Variants in PCDH10 observed in about 807,000 individuals in gnomAD.
The protein encoded by PCDH10 is protocadherin-10.
A neutral mutation model predicts 74.4 loss-of-function variants in PCDH10; 15 were observed. The observed-to-expected ratio is 0.20, with a 90% CI of 0.13 to 0.31. The LOEUF (loss-of-function observed/expected upper bound fraction) is 0.31, where lower values mean the gene tolerates loss of function less well. PCDH10 is among the 10% of genes least tolerant of loss of function. PCDH10 has a pLI of 1.00. For missense variants in PCDH10, 1,260 were observed against 1,390.2 expected, an observed-to-expected ratio of 0.91 and a Z score of 1.49; for synonymous variants, 619 against 589.8, an observed-to-expected ratio of 1.05 and a Z score of -0.72.
At position 133,191,234 on chromosome 4, in the gene PCDH10, G is replaced by A. The variant is rs1012087718; in HGVS notation, c.*1074G>A. ...ATGTAATTGAAGATTACTATTTTAA[G>A]AAGTCATCAGTCATATCACTCACAC... On this transcript the variant is annotated 3_prime_UTR_variant, in exon 5 of 5. Transcript: ENST00000264360. The A allele has an allele frequency of 6.6e-6, 1 of 152,174 alleles. No homozygotes were observed. The highest frequency in any genetic ancestry group is 2.4e-5 in the African/African-American group (1 of 41,404). 9.4% of individuals were successfully genotyped at this position (152,174 alleles called of 1,614,324 possible). A position where few individuals can be genotyped will look rare whatever the true frequency, so the allele number is the denominator to read the frequency against.
intron 3 of PCDH10, among the ~76,000 whole-genome samples, chr4:133,161,164 C>A (rs921579547): frequency 2.0e-5 from 3 of 152,100 alleles, no homozygotes; most frequent in African/African-American, 7.2e-5. Context: ...CTGACGTTTC[C>A]GTTCCTCAAC....
intron 4 of PCDH10, among the ~76,000 whole-genome samples, chr4:133,182,383 T>C (rs1560713528): frequency 6.6e-6 from 1 of 152,100 alleles, no homozygotes; most frequent in Non-Finnish European, 1.5e-5. Flanking sequence ...TGTGTATTTT[T>C]TTAAGTAGGG....
At position 133,163,279 on chromosome 4, in the gene PCDH10, T is replaced by C. The variant is rs745685562; in HGVS notation, c.3100T>C (p.Leu1034=). The C allele has an allele frequency of 6.2e-6, 10 of 1,608,388 alleles. No individual in the cohort carries two copies. The highest frequency in any genetic ancestry group is 1.1e-5 in the South Asian group (1 of 90,518). The part of the protein sequence containing the change: ...NTRAPYKPPY[L]TRKRIC ...GCGAGCGCCTTACAAACCACCATATTTGAGTAAGTATTACACAAAGGGCTC... is the reference window on the plus strand; with the variant it reads ...GCGAGCGCCTTACAAACCACCATATCTGAGTAAGTATTACACAAAGGGCTC... The change falls in exon 4 of 5, where the codon TTG becomes CTG. Residue 1034 remains leucine (L), a synonymous_variant. Coordinates refer to ENST00000264360, the MANE Select transcript of PCDH10 (RefSeq NM_032961.3).
intron 4 of PCDH10, among the ~76,000 whole-genome samples, chr4:133,175,384 G>A (rs191161248): frequency 2.3e-4 from 33 of 144,844 alleles, no homozygotes; most frequent in Non-Finnish European, 4.2e-4. Context: ...AAGAAAACTC[G>A]TTGTTGGGCA....
At chr4:133,169,742 G>A (rs1727166042) in intron 4 of PCDH10, among the ~76,000 whole-genome samples, 1 of 151,832 alleles carries the variant, frequency 6.6e-6, no homozygotes, top group Non-Finnish European at 1.5e-5. Flanking sequence ...TAAAGATATT[G>A]TAAATAAGTC....
Position 133,169,838 on chromosome 4 carries a change from G to A in PCDH10, c.3103+6556G>A, listed in dbSNP as rs557292649. On this transcript the variant is annotated intron_variant, in intron 4 of 4. Transcript: ENST00000264360. Reference sequence around the variant, plus strand: ...CCAGACATTTTTTGGGTGAGTCTTCGTCATCTTCAATCCTTTTAATAGAAA... The same window carrying A: ...CCAGACATTTTTTGGGTGAGTCTTCATCATCTTCAATCCTTTTAATAGAAA... 3.6e-4 allele frequency among the ~76,000 whole-genome samples: 55 copies of A among 151,942 alleles called. 1 individual carries two copies. In the South Asian group the frequency reaches 4.4e-3, roughly 12 times the overall value.
At chr4:133,184,773 AATATATATATAAATATATATATTTATAT>A (rs1226508245) in intron 4 of PCDH10, among the ~76,000 whole-genome samples, 2 of 136,866 alleles carry the variant, frequency 1.5e-5, no homozygotes, top group African/African-American at 2.7e-5. Context: ...TAAATATATA[AATATATATATAAATATATATATTTATAT>A]ATATATATTT....
chr4:133,177,824 G>C (rs1041924105), intron 4 of PCDH10, among the ~76,000 whole-genome samples: 1 of 151,860 alleles, frequency 6.6e-6, no homozygotes, highest in African/African-American at 2.4e-5. Flanking sequence ...ATTTCTCATC[G>C]CATTAACAGA....
Position 133,151,468 on chromosome 4 carries a change from T to G in PCDH10, c.1328T>G (p.Leu443Arg). ...VVARDRGEPA[L>R]STSKSIQVQV... ...GCTCGGGACCGGGGCGAGCCTGCGC[T>G]CTCCACCAGTAAGTCGATCCAGGTA... The change falls in exon 1 of 5, where the codon CTC becomes CGC. Residue 443 changes from leucine (L) to arginine (R), a missense_variant. Leu to Arg is a moderately radical substitution (Grantham distance 102, BLOSUM62 -2). Transcript: ENST00000264360. 2 of 1,613,672 alleles carry G rather than the reference T, an allele frequency of 1.2e-6. No individual in the cohort carries two copies. Among genetic ancestry groups the G allele is most frequent in the Non-Finnish European group, 1.7e-6 (2 of 1,179,990 alleles).
At chr4:133,202,919 A>G (rs2125878173) in intron 2 of PCDH10, among the ~76,000 whole-genome samples, 1 of 152,284 alleles carries the variant, frequency 6.6e-6, no homozygotes, top group East Asian at 1.9e-4. Context: ...GCATCAGAGA[A>G]GGGGCTGAGG....
downstream of PCDH10, among the ~76,000 whole-genome samples, chr4:133,197,917 A>G (rs1035310835): frequency 2.6e-5 from 4 of 151,828 alleles, no homozygotes; most frequent in African/African-American, 9.7e-5. Context: ...CTAATTAATA[A>G]TAGAGTGAAT....
At chr4:133,179,770 G>T (rs1490301155) in intron 4 of PCDH10, among the ~76,000 whole-genome samples, 1 of 151,710 alleles carries the variant, frequency 6.6e-6, no homozygotes, top group Non-Finnish European at 1.5e-5. Context: ...TCCATTTAAG[G>T]GTCCCATGTT....
rs576593163 is a variant in PCDH10, at chr4:133,193,260, C to T, written c.*3100C>T. On this transcript the variant is annotated 3_prime_UTR_variant, in exon 5 of 5. Transcript: ENST00000264360. ...CAGAATTACTTCACAGATATAATAG[C>T]GTCAATGATATATGTATCATCTTTT... 6.7e-4 allele frequency: 102 copies of T among 151,608 alleles called. No homozygotes were observed. Among genetic ancestry groups the T allele is most frequent in the Non-Finnish European group, 1.3e-3 (90 of 67,622 alleles). 9.4% of individuals were successfully genotyped at this position (151,608 alleles called of 1,614,324 possible).
At chr4:133,171,178 A>G (rs1473605602) in intron 4 of PCDH10, among the ~76,000 whole-genome samples, 1 of 152,108 alleles carries the variant, frequency 6.6e-6, no homozygotes, top group Non-Finnish European at 1.5e-5. Context: ...TGAATCTTAC[A>G]CTAGATTCCA....
downstream of PCDH10, among the ~76,000 whole-genome samples, chr4:133,196,234 ATTACTCAAATCAGTT>A (rs1727792424): frequency 6.6e-6 from 1 of 152,144 alleles, no homozygotes; most frequent in Non-Finnish European, 1.5e-5. Flanking sequence ...GAGTTTTATT[ATTACTCAAATCAGTT>A]TTTCAGAGTA....
downstream of PCDH10, among the ~76,000 whole-genome samples, chr4:133,194,969 G>T (rs1381171421): frequency 6.6e-6 from 1 of 151,808 alleles, no homozygotes; most frequent in Non-Finnish European, 1.5e-5. Flanking sequence ...GATTAACATA[G>T]AGGTTGTACA....
At chr4:133,161,935 T>A (rs143407414) in intron 3 of PCDH10, among the ~76,000 whole-genome samples, 215 of 152,280 alleles carry the variant, frequency 1.4e-3, no homozygotes, top group Non-Finnish European at 2.7e-3. Flanking sequence ...TTTGTTTATG[T>A]GTTTTTCTGT....
In PCDH10 at chr4:133,205,898, A is replaced by T. The variant is rs142775520; in HGVS notation, n.438-2178A>T. ...TTATCCAATATATTGATGACAGTTT[A>T]TTTTTCATTTTATTTTTTCCGAATA... On this transcript the variant is annotated intron_variant and non_coding_transcript_variant, in intron 2 of 2. Coordinates refer to the PCDH10 transcript ENST00000511112. Among the ~76,000 whole-genome samples the T allele has an allele frequency of 8.3e-3, 1,260 of 152,018 alleles. 18 individuals carry two copies. The highest frequency in any genetic ancestry group is 0.029 in the African/African-American group (1,199 of 41,468).
At chr4:133,203,203 T>C (rs1025155444) in intron 2 of PCDH10, among the ~76,000 whole-genome samples, 39 of 152,154 alleles carry the variant, frequency 2.6e-4, no homozygotes, top group African/African-American at 9.4e-4. Context: ...CTTATGGCCA[T>C]GGTATAGAGA....
Sources: allele counts gnomAD v4.1 joint callset (sites outside exome capture counted in the v4.1 genomes callset), GRCh38; gene constraint gnomAD v4.1.1; transcripts MANE v1.5; gene names NCBI Gene and HGNC (gene_info 2026-07-23, HGNC 2026-07-21).